Variants in XKR4 observed in about 807,000 individuals in gnomAD.
XKR4 encodes XK related 4.
XKR4 carries 12 observed loss-of-function variants against 53.9 expected under a neutral mutation model. The ratio of observed to expected loss-of-function variants is 0.22; its 90% confidence interval spans 0.14 to 0.36. The LOEUF is 0.36. Among genes scored for constraint, XKR4 ranks in the 10% least tolerant of loss-of-function variants. XKR4 has a pLI of 1.00. For synonymous variants in XKR4, 354 were observed against 362.4 expected (o/e 0.98, Z 0.26); for missense variants, 799 against 859.5 (o/e 0.93, Z 0.88).
At chr8:55,398,701 G>A (rs928080493) in intron 2 of XKR4, among the ~76,000 whole-genome samples, 5 of 152,160 alleles carry the variant, frequency 3.3e-5, no homozygotes, top group Admixed American at 3.3e-4. Context: ...GAGACAAGAA[G>A]GAACTGGAAA....
chr8:55,394,210 T>C (rs1430794084), intron 2 of XKR4, among the ~76,000 whole-genome samples: 2 of 152,190 alleles, frequency 1.3e-5, no homozygotes, highest in African/African-American at 4.8e-5. Context: ...ATTCAGTCTC[T>C]CTTGGATATT....
intron 2 of XKR4, among the ~76,000 whole-genome samples, chr8:55,388,611 A>G (rs1229652356): frequency 6.6e-6 from 1 of 152,170 alleles, no homozygotes; most frequent in Non-Finnish European, 1.5e-5. Flanking sequence ...GTCTCTTTGT[A>G]TAAGGGCACT....
chr8:55,199,365 T>C (rs1196419968), intron 1 of XKR4, among the ~76,000 whole-genome samples: 1 of 152,238 alleles, frequency 6.6e-6, no homozygotes, highest in Non-Finnish European at 1.5e-5. Flanking sequence ...CTTAGCATTG[T>C]GTGTAGTTCA....
intron 1 of XKR4, among the ~76,000 whole-genome samples, chr8:55,300,882 T>A (rs1236960018): frequency 6.6e-6 from 1 of 152,148 alleles, no homozygotes; most frequent in Non-Finnish European, 1.5e-5. Flanking sequence ...GGCTCTACAC[T>A]ATAAGGCTAA....
chr8:55,478,875 T>A (rs1806049853), intron 2 of XKR4, among the ~76,000 whole-genome samples: 1 of 152,046 alleles, frequency 6.6e-6, no homozygotes, highest in South Asian at 2.1e-4. Context: ...ATGCACCCAA[T>A]ACAGGAGCAC....
At chr8:55,491,914 C>T (rs1346835322) in intron 2 of XKR4, among the ~76,000 whole-genome samples, 1 of 152,192 alleles carries the variant, frequency 6.6e-6, no homozygotes, top group Admixed American at 6.5e-5. Flanking sequence ...CATGGCAGAG[C>T]ATTCAACAAA....
chr8:55,254,412 C>A (rs528363455), intron 1 of XKR4, among the ~76,000 whole-genome samples: 1 of 152,028 alleles, frequency 6.6e-6, no homozygotes, highest in Non-Finnish European at 1.5e-5. Context: ...ATGGATTGGG[C>A]GTGTGGCAGT....
chr8:55,503,519 G>A (rs1322775594), intron 2 of XKR4, among the ~76,000 whole-genome samples: 1 of 151,810 alleles, frequency 6.6e-6, no homozygotes, highest in Non-Finnish European at 1.5e-5. Flanking sequence ...GTTGTCCACT[G>A]TTAGCATATA....
chr8:55,493,798 G>T (rs1034432640), intron 2 of XKR4, among the ~76,000 whole-genome samples: 1 of 152,216 alleles, frequency 6.6e-6, no homozygotes, highest in Non-Finnish European at 1.5e-5. Context: ...CATCCACACA[G>T]TTCTCCTTTT....
intron 2 of XKR4, among the ~76,000 whole-genome samples, chr8:55,425,856 C>T (rs1805004725): frequency 6.6e-6 from 1 of 152,192 alleles, no homozygotes; most frequent in South Asian, 2.1e-4. Context: ...TGCATGGAGA[C>T]ATCAGAGCAA....
At chr8:55,430,552 G>A (rs1805086769) in intron 2 of XKR4, among the ~76,000 whole-genome samples, 1 of 152,176 alleles carries the variant, frequency 6.6e-6, no homozygotes, top group African/African-American at 2.4e-5. Context: ...GCTGAAAACG[G>A]TGATGGAAAT....
In XKR4 at chr8:55,540,742, C is replaced by A. The variant is rs1167073332; in HGVS notation, c.*16515C>A. The A allele has an allele frequency of 6.6e-6, 1 of 152,130 alleles. No homozygotes were observed. Among genetic ancestry groups the A allele is most frequent in the Non-Finnish European group, 1.5e-5 (1 of 68,014 alleles). The allele number at this position is 152,130 out of a possible 1,614,324, so 9.4% of individuals were successfully genotyped here. ...TAAAGCAAGAGCAAAATCATCCTTC[C>A]TATGGATTCTTTTCTCAGTGTTTAC... On this transcript the variant is annotated 3_prime_UTR_variant, in exon 3 of 3. Transcript: ENST00000327381.
intron 1 of XKR4, among the ~76,000 whole-genome samples, chr8:55,322,303 T>C (rs1803227641): frequency 6.6e-6 from 1 of 152,248 alleles, no homozygotes; most frequent in Non-Finnish European, 1.5e-5. Context: ...AGTTTCTCTA[T>C]CTTTACCTGT....
chr8:55,335,712 C>T (rs1230237753), intron 1 of XKR4, among the ~76,000 whole-genome samples: 2 of 152,100 alleles, frequency 1.3e-5, no homozygotes, highest in African/African-American at 2.4e-5. Flanking sequence ...CAAACTTGTA[C>T]ATTTATGCAA....
intron 1 of XKR4, among the ~76,000 whole-genome samples, chr8:55,344,426 C>T (rs1041344884): frequency 1.3e-5 from 2 of 150,928 alleles, no homozygotes; most frequent in Non-Finnish European, 2.9e-5. Context: ...GTTGTGAGAA[C>T]AAATATTCTG....
intron 1 of XKR4, among the ~76,000 whole-genome samples, chr8:55,288,891 A>G (rs1385306094): frequency 3.9e-5 from 6 of 152,206 alleles, no homozygotes; most frequent in Non-Finnish European, 7.3e-5. Flanking sequence ...TGTTGTATCA[A>G]TGGAATCATG....
chr8:55,172,981 AG>A (rs1282992475), intron 1 of XKR4, among the ~76,000 whole-genome samples: 1 of 152,208 alleles, frequency 6.6e-6, no homozygotes, highest in Non-Finnish European at 1.5e-5. Context: ...TCATCATGGT[AG>A]CAGGGAAAAA....
chr8:55,465,672 A>C (rs373619877), intron 2 of XKR4, among the ~76,000 whole-genome samples: 1 of 152,042 alleles, frequency 6.6e-6, no homozygotes, highest in East Asian at 1.9e-4. Context: ...TGCACAGCAA[A>C]AGAAACCACC....
intron 2 of XKR4, among the ~76,000 whole-genome samples, chr8:55,455,652 G>T (rs1805559120): frequency 6.6e-6 from 1 of 152,182 alleles, no homozygotes; most frequent in South Asian, 2.1e-4. Context: ...CGAGATCCTG[G>T]ATATGATACA....
Sources: allele counts gnomAD v4.1 joint callset (sites outside exome capture counted in the v4.1 genomes callset), GRCh38; gene constraint gnomAD v4.1.1; transcripts MANE v1.5; gene names NCBI Gene and HGNC (gene_info 2026-07-23, HGNC 2026-07-21).